Variants in PLCD1 observed in about 807,000 individuals in gnomAD.
PLCD1 encodes the protein phospholipase C delta 1, also known as 1-phosphatidylinositol 4,5-bisphosphate phosphodiesterase delta-1.
PLCD1 carries 71 observed loss-of-function variants against 87.4 expected under a neutral mutation model. The observed-to-expected ratio is 0.81, with a 90% CI of 0.67 to 0.99. The LOEUF (loss-of-function observed/expected upper bound fraction) is 0.99. Ranked by LOEUF, PLCD1 falls within the 50% of genes least tolerant of loss-of-function variation. The probability of loss-of-function intolerance (pLI) is 0.00; values close to 1 mark genes in which losing one functional copy is unlikely to be tolerated. For synonymous variants in PLCD1, 348 were observed against 399.2 expected, an observed-to-expected ratio of 0.87 and a Z score of 1.53; for missense variants, 867 against 1,001.5, an observed-to-expected ratio of 0.87 and a Z score of 1.81.
chr3:38,024,167 A>T, intron 1 of PLCD1: 2 of 631,162 alleles, frequency 3.2e-6, no homozygotes, highest in Admixed American at 2.9e-5. Flanking sequence ...CCGACGTGCT[A>T]CCACTGCAAA....
At chr3:38,019,938 C>T (rs1001479709) in intron 2 of PLCD1, among the ~76,000 whole-genome samples, 1 of 152,188 alleles carries the variant, frequency 6.6e-6, no homozygotes, top group Non-Finnish European at 1.5e-5. Flanking sequence ...GGTCCTCGTT[C>T]CATGACTGCC....
chr3:38,009,543 G>T, intron 9 of PLCD1, 110 bp downstream of exon 9: 1 of 1,553,856 alleles, frequency 6.4e-7, no homozygotes, highest in South Asian at 1.1e-5. Context: ...AGAGAGAGCG[G>T]GGCAGAGGGT....
chr3:38,008,684 C>T lies in PLCD1; in HGVS notation c.1724-48G>A, dbSNP rs148664802. 299 of 1,554,082 alleles carry T rather than the reference C, an allele frequency of 1.9e-4. 2 individuals carry two copies. In the East Asian group the frequency reaches 6.6e-3, roughly 34 times the overall value. On this transcript the variant is annotated intron_variant, in intron 11 of 14. Coordinates refer to ENST00000334661, the MANE Select transcript of PLCD1 (RefSeq NM_006225.4). ...ACAGGCTGTGGGCTGGCCCTGGGGC[C>T]CTAGAGCACAGCCTGCTCAGGGTAC...
chr3:38,011,313 C>T lies in PLCD1; in HGVS notation c.691G>A (p.Asp231Asn), dbSNP rs61755441. ...AAGSGETLSV[D>N]QLVTFLQHQQ... The stretch of plus-strand genomic sequence containing the variant: ...TGCTGCAGGAACGTCACTAACTGAT[C>T]CACCGACAGAGTCTCCCCTGAGCCC... Residue 231 changes from aspartate (D) to asparagine (N), a missense_variant, in exon 5 of 15, where the codon GAT (aspartate) becomes AAT (asparagine). Coordinates refer to ENST00000334661, the MANE Select transcript of PLCD1 (RefSeq NM_006225.4). 0.045 allele frequency: 72,583 copies of T among 1,612,130 alleles called. 1,790 individuals carry two copies. Among genetic ancestry groups the T allele is most frequent in the Middle Eastern group, 0.064 (294 of 4,568 alleles).
Position 38,025,081 on chromosome 3 carries a change from C to T in PLCD1, c.34+4425G>A, listed in dbSNP as rs1700293706. On this transcript the variant is annotated intron_variant, in intron 1 of 14. Transcript: ENST00000334661. The surrounding 1 kb of genome is among the most constrained non-coding windows in gnomAD (Gnocchi z 4.0). ...CAGAGGCGGAGCTCAGGCCGGGAGC[C>T]TCTGCTCCAGAGGCGACGTGGAGGC... Among the ~76,000 whole-genome samples the T allele has an allele frequency of 6.6e-6, 1 of 151,588 alleles. No homozygotes were observed. The highest frequency in any genetic ancestry group is 6.6e-5 in the Admixed American group (1 of 15,244).
Position 38,020,194 on chromosome 3 carries a change from G to A in PLCD1, c.193C>T (p.Gln65Ter). ...GTGACCCCAGGGCACTCACACAGCT[G>A]GGACTCCGGGGTCCGCATGACCTTG... The part of the protein sequence containing the change: ...SRKVMRTPES[Q>*]LFSIEDIQEV... Residue 65 changes from glutamine to a stop codon, truncating the protein, a stop_gained, in exon 2 of 15, where the codon CAG becomes TAG. Coordinates refer to ENST00000334661, the MANE Select transcript of PLCD1 (RefSeq NM_006225.4). LOFTEE classifies it high-confidence loss of function. 1 of 1,613,762 alleles carries A rather than the reference G, an allele frequency of 6.2e-7. No individual in the cohort carries two copies. Among genetic ancestry groups the A allele is most frequent in the South Asian group, 1.1e-5 (1 of 91,074 alleles).
rs371509898 is a variant in PLCD1, at chr3:38,018,273, C to G, written c.200-1554G>C. 4.6e-5 allele frequency among the ~76,000 whole-genome samples: 7 copies of G among 152,188 alleles called. No homozygotes were observed. The East Asian group carries it at 7.7e-4, about 17-fold the overall frequency. ...AGGGAGGCAGCCAACAAAGCAGGCTCAGCACGAGACCCGTCTCAGGCGTCT... is the reference window on the plus strand; with the variant it reads ...AGGGAGGCAGCCAACAAAGCAGGCTGAGCACGAGACCCGTCTCAGGCGTCT... On this transcript the variant is annotated intron_variant, in intron 2 of 14. Coordinates refer to ENST00000334661, the MANE Select transcript of PLCD1 (RefSeq NM_006225.4). This position sits in a 1 kb window ranked among gnomAD's most constrained non-coding sequence, Gnocchi z 5.7.
At position 38,029,559 on chromosome 3, in the gene PLCD1, G is replaced by A. The variant is rs1011986175; in HGVS notation, c.-20C>T. On this transcript the variant is annotated 5_prime_UTR_variant, in exon 1 of 15. Coordinates refer to ENST00000334661, the MANE Select transcript of PLCD1 (RefSeq NM_006225.4). ...GTCCATGCCCGACGGGCGGCGCGGC[G>A]GGAGGGGCACCGCGGGACTCACTTG... 3 of 1,536,000 alleles carry A rather than the reference G, an allele frequency of 2.0e-6. No homozygotes were observed. Among genetic ancestry groups the A allele is most frequent in the African/African-American group, 1.4e-5 (1 of 72,958 alleles).
intron 5 of PLCD1, 42 bp downstream of exon 5, chr3:38,011,172 G>T (rs199514996): frequency 6.7e-7 from 1 of 1,486,660 alleles, no homozygotes; most frequent in Non-Finnish European, 9.3e-7. Context: ...AGCCCAGTGC[G>T]GCCCTGCGAC....
At chr3:38,024,334 T>G in intron 1 of PLCD1, 2 of 1,612,200 alleles carry the variant, frequency 1.2e-6, no homozygotes, top group South Asian at 2.2e-5. Context: ...CTGCGCCCCT[T>G]ACCCAGCCTC....
chr3:38,020,859 C>A (rs550743196), intron 1 of PLCD1, among the ~76,000 whole-genome samples: 1 of 152,210 alleles, frequency 6.6e-6, no homozygotes, highest in African/African-American at 2.4e-5. Context: ...TGGAGCCAAA[C>A]AACGTCCCAA....
chr3:38,029,531 C>G lies in PLCD1; in HGVS notation c.9G>C (p.Ser3=), dbSNP rs778295555. The change falls in exon 1 of 15, where the codon TCG becomes TCC. Residue 3 remains serine (S), a synonymous_variant. Transcript: ENST00000334661. ...CGTGCAGGGTCAGGAAGTCCCGGCCCGAGTCCATGCCCGACGGGCGGCGCG... is the reference window on the plus strand; with the variant it reads ...CGTGCAGGGTCAGGAAGTCCCGGCCGGAGTCCATGCCCGACGGGCGGCGCG... The part of the protein sequence containing the change: MD[S]GRDFLTLHGL... The G allele has an allele frequency of 3.6e-5, 56 of 1,538,542 alleles. No individual in the cohort carries two copies. Among genetic ancestry groups the G allele is most frequent in the Non-Finnish European group, 4.5e-5 (52 of 1,146,514 alleles).
At chr3:38,008,810 C>T (rs1013678005) in intron 11 of PLCD1, 174 bp from the exon 12 acceptor site, 7 of 685,310 alleles carry the variant, frequency 1.0e-5, no homozygotes, top group Non-Finnish European at 1.8e-5. Flanking sequence ...CTAACCACAC[C>T]TTCCATTCCT....
intron 3 of PLCD1, among the ~76,000 whole-genome samples, chr3:38,012,245 A>T (rs1451221290): frequency 6.6e-6 from 1 of 151,370 alleles, no homozygotes. Flanking sequence ...CCTAGGCCCA[A>T]GCAATCCTCC....
chr3:38,026,103 T>C (rs569043137), intron 1 of PLCD1, among the ~76,000 whole-genome samples: 64 of 152,356 alleles, frequency 4.2e-4, no homozygotes, highest in South Asian at 8.3e-4. Context: ...GCCTGTGTTA[T>C]GGAGAAACTG....
At chr3:38,009,571 A>G (rs536276433) in intron 9 of PLCD1, 82 bp downstream of exon 9, 1 of 1,580,460 alleles carries the variant, frequency 6.3e-7, no homozygotes, top group African/African-American at 1.3e-5. Context: ...GCAGCCACAG[A>G]GAACTGAGAC....
rs1699978130 is a variant in PLCD1, at chr3:38,007,573, T to TAACG, written c.*196_*199dup. On this transcript the variant is annotated 3_prime_UTR_variant, in exon 15 of 15. Transcript: ENST00000334661. ...GTGGAGAGGGCTGCAGTGTTATTCC[T>TAACG]AACGGAATGAAGGACAGCTCCAGGG... is the stretch of plus-strand genomic sequence containing the variant. The TAACG allele has an allele frequency of 4.3e-6, 3 of 698,370 alleles. No homozygotes were observed. The African/African-American group carries it at 5.3e-5, about 12-fold the overall frequency. The allele number at this position is 698,370 out of a possible 1,614,324, so 43.3% of individuals were successfully genotyped here.
rs1377702575 is a variant in PLCD1 at position 38,029,504 on chromosome 3, A to G, written c.34+2T>C. ...TCCCGCTCGCGCGGGCCAGGCACTC[A>G]CCGTGCAGGGTCAGGAAGTCCCGGC... On this transcript the variant is annotated splice_donor_variant, in intron 1 of 14. Transcript: ENST00000334661. LOFTEE classifies it high-confidence loss of function. The G allele has an allele frequency of 1.9e-6, 3 of 1,539,320 alleles. No individual in the cohort carries two copies. Among genetic ancestry groups the G allele is most frequent in the South Asian group, 2.4e-5 (2 of 83,970 alleles).
At chr3:38,029,223 G>T (rs1452327613) in intron 1 of PLCD1, among the ~76,000 whole-genome samples, 1 of 152,248 alleles carries the variant, frequency 6.6e-6, no homozygotes, top group Non-Finnish European at 1.5e-5. Context: ...CAGGACAAGG[G>T]GGTCCGCGAG....
Sources: allele counts gnomAD v4.1 joint callset (sites outside exome capture counted in the v4.1 genomes callset), GRCh38; gene constraint gnomAD v4.1.1; non-coding constraint Gnocchi (gnomAD v3.1); transcripts MANE v1.5; gene names NCBI Gene and HGNC (gene_info 2026-07-23, HGNC 2026-07-21).